The following CSNK2A2 variants were observed in gnomAD, a reference collection of about 807,000 sequenced individuals.
The protein encoded by CSNK2A2 is casein kinase 2 alpha 2, also known as casein kinase II subunit alpha'.
A neutral mutation model predicts 54.0 loss-of-function variants in CSNK2A2; 8 were observed. The observed-to-expected ratio is 0.15, with a 90% CI of 0.09 to 0.27. The LOEUF is 0.27. Among genes scored for constraint, CSNK2A2 ranks in the 10% least tolerant of loss-of-function variants. The pLI, the probability that CSNK2A2 is intolerant of heterozygous loss-of-function variation, is 1.00. For synonymous variants in CSNK2A2, 141 were observed against 153.9 expected (o/e 0.92, Z 0.62); for missense variants, 242 against 439.4 (o/e 0.55, Z 4.02).
At chr16:58,169,954 G>A (rs1323836603) in intron 5 of CSNK2A2, among the ~76,000 whole-genome samples, 13 of 152,018 alleles carry the variant, frequency 8.6e-5, no homozygotes, top group Admixed American at 8.5e-4. Context: ...GCTAAGGCAC[G>A]AGAATTGCCT....
At chr16:58,164,972 C>T (rs925924070) in intron 10 of CSNK2A2, among the ~76,000 whole-genome samples, 3 of 152,196 alleles carry the variant, frequency 2.0e-5, no homozygotes, top group South Asian at 2.1e-4. Flanking sequence ...AGGAAGGAGA[C>T]TGATAATAGG....
rs551517736 is a variant in CSNK2A2, at chr16:58,163,782, T to C, written c.*17+272A>G. 14 of 265,766 alleles carry C rather than the reference T, an allele frequency of 5.3e-5. No homozygotes were observed. In the Admixed American group the frequency reaches 7.0e-4, roughly 13 times the overall value. The allele number at this position is 265,766 out of a possible 1,614,324, so 16.5% of individuals were successfully genotyped here. ...GTGCCCTGTTAAACAAAGGTAAATG[T>C]ACAACAACTCCGAGTCTCTATCTCC... is the stretch of plus-strand genomic sequence containing the variant. On this transcript the variant is annotated intron_variant, in intron 11 of 11. Coordinates refer to ENST00000262506, the MANE Select transcript of CSNK2A2 (RefSeq NM_001896.4).
At chr16:58,180,078 CAAA>C (rs71385152) in intron 4 of CSNK2A2, among the ~76,000 whole-genome samples, 2 of 91,012 alleles carry the variant, frequency 2.2e-5, no homozygotes, top group Non-Finnish European at 4.7e-5. Context: ...GACTCCTTCT[CAAA>C]AAAAAAAAAA....
chr16:58,165,208 C>T (rs1056150537), intron 10 of CSNK2A2, among the ~76,000 whole-genome samples: 3 of 152,178 alleles, frequency 2.0e-5, no homozygotes, highest in Admixed American at 1.3e-4. Context: ...CTACTTTTAA[C>T]TAATTACTAG....
intron 5 of CSNK2A2, among the ~76,000 whole-genome samples, chr16:58,173,618 T>C (rs1448983363): frequency 1.3e-5 from 2 of 152,202 alleles, no homozygotes; most frequent in African/African-American, 4.8e-5. Context: ...ATTCTACCCA[T>C]CACTTTTCCC....
intron 11 of CSNK2A2, chr16:58,160,212 C>G (rs1961295128): frequency 6.6e-6 from 1 of 152,158 alleles, no homozygotes; most frequent in Non-Finnish European, 1.5e-5. Flanking sequence ...ATTAAGATCA[C>G]TGACAAACTT....
chr16:58,197,636 C>A lies in CSNK2A2; in HGVS notation c.101G>T (p.Trp34Leu). Residue 34 changes from tryptophan to leucine, a missense_variant, in exon 1 of 12, where the codon TGG (tryptophan) becomes TTG (leucine). By Grantham distance (61) the Trp-to-Leu change is moderately conservative. This residue lies in a region of CSNK2A2 where 48 missense variants were observed against 55.4 expected (regional missense o/e 0.87). Transcript: ENST00000262506. This position sits in a 1 kb window ranked among gnomAD's most constrained non-coding sequence, Gnocchi z 4.0. Reference sequence around the variant, plus strand: ...CGGGGGGCGGCGACGGCTTTACCCCCAGCTCGGGACGTGAGCCTCGTAGTC... The same window carrying A: ...CGGGGGGCGGCGACGGCTTTACCCCAAGCTCGGGACGTGAGCCTCGTAGTC... ...YWDYEAHVPS[W>L]GNQDDYQLVR... 1 of 1,567,926 alleles carries A rather than the reference C, an allele frequency of 6.4e-7. No individual in the cohort carries two copies.
chr16:58,183,520 CAG>C (rs1304080527), intron 4 of CSNK2A2, among the ~76,000 whole-genome samples: 15 of 152,136 alleles, frequency 9.9e-5, no homozygotes, highest in Non-Finnish European at 2.2e-4. Context: ...TATTCACTGA[CAG>C]AGTTACAATC....
At chr16:58,168,801 C>T (rs890152347) in intron 5 of CSNK2A2, 108 bp from the exon 6 acceptor site, 82 of 822,164 alleles carry the variant, frequency 1.0e-4, no homozygotes, top group Admixed American at 7.4e-4. Flanking sequence ...AGTCCCCCAA[C>T]GGGCAGCTTG....
At chr16:58,195,404 C>T (rs938520365) in intron 2 of CSNK2A2, among the ~76,000 whole-genome samples, 4 of 152,238 alleles carry the variant, frequency 2.6e-5, no homozygotes, top group African/African-American at 9.6e-5. Context: ...AAGATGATTA[C>T]CAGAAAGCAT....
At chr16:58,174,656 G>A in intron 4 of CSNK2A2, 146 bp from the exon 5 acceptor site, 1 of 501,150 alleles carries the variant, frequency 2.0e-6, no homozygotes, top group Non-Finnish European at 3.5e-6. Flanking sequence ...AAATAAATGG[G>A]AAGACTAAAG....
intron 8 of CSNK2A2, among the ~76,000 whole-genome samples, 168 bp from the exon 9 acceptor site, chr16:58,166,852 A>G (rs956278470): frequency 6.6e-6 from 1 of 152,252 alleles, no homozygotes; most frequent in Non-Finnish European, 1.5e-5. Context: ...AGAAGTTCAC[A>G]TGAATGCAAA....
At chr16:58,180,245 A>AAAACCAAAAAGCTGGTTCTTT (rs1962000071) in intron 4 of CSNK2A2, among the ~76,000 whole-genome samples, 1 of 152,090 alleles carries the variant, frequency 6.6e-6, no homozygotes, top group Non-Finnish European at 1.5e-5. Context: ...ACTGAGCAAT[A>AAAACCAAAAAGCTGGTTCTTT]AAACCAAAAA....
intron 5 of CSNK2A2, among the ~76,000 whole-genome samples, chr16:58,171,958 C>CATATATATATACATATATATATATAT (rs1961748817): frequency 3.2e-5 from 1 of 31,318 alleles, no homozygotes; most frequent in East Asian, 7.3e-4. Context: ...CTGGAGCATG[C>CATATATATATACATATATATATATAT]ATATATATAT....
At chr16:58,190,940 A>G (rs1962307909) in intron 2 of CSNK2A2, among the ~76,000 whole-genome samples, 1 of 152,228 alleles carries the variant, frequency 6.6e-6, no homozygotes, top group South Asian at 2.1e-4. Flanking sequence ...TATTCAAAGC[A>G]GCATTATTCA....
chr16:58,173,429 T>C (rs1009757845), intron 5 of CSNK2A2, among the ~76,000 whole-genome samples: 1 of 152,214 alleles, frequency 6.6e-6, no homozygotes, highest in South Asian at 2.1e-4. Flanking sequence ...AGGCAGTTCA[T>C]AGTTTTCATT....
chr16:58,185,228 A>AT (rs1297534093), intron 3 of CSNK2A2, among the ~76,000 whole-genome samples: 1 of 152,212 alleles, frequency 6.6e-6, no homozygotes, highest in Non-Finnish European at 1.5e-5. Flanking sequence ...ACAGGGCAGC[A>AT]TGCAGATCTC....
chr16:58,179,744 C>T (rs973885127), intron 4 of CSNK2A2, among the ~76,000 whole-genome samples: 2 of 152,074 alleles, frequency 1.3e-5, no homozygotes, highest in African/African-American at 2.4e-5. Context: ...CGTAAAATGA[C>T]GCTTAGGGTT....
At chr16:58,169,660 G>T (rs568148280) in intron 5 of CSNK2A2, among the ~76,000 whole-genome samples, 1 of 152,214 alleles carries the variant, frequency 6.6e-6, no homozygotes, top group South Asian at 2.1e-4. Context: ...CTTTCAGTAT[G>T]GCTTATTTTG....
Sources: allele counts gnomAD v4.1 joint callset (sites outside exome capture counted in the v4.1 genomes callset), GRCh38; gene constraint gnomAD v4.1.1; regional missense constraint gnomAD v4.1.1; non-coding constraint Gnocchi (gnomAD v3.1); transcripts MANE v1.5; gene names NCBI Gene and HGNC (gene_info 2026-07-23, HGNC 2026-07-21).